ZNF117: variants seen among roughly 807,000 people sequenced by gnomAD.
ZNF117 encodes the protein Krueppel-related zinc finger protein.
ZNF117 carries 37 observed loss-of-function variants against 41.2 expected under a neutral mutation model. That is an observed-to-expected ratio of 0.90 (90% confidence interval 0.69 to 1.18). ZNF117 has a LOEUF of 1.18. Among genes scored for constraint, ZNF117 ranks in the 50% most tolerant of loss-of-function variants. ZNF117 has a pLI of 0.00. For missense variants in ZNF117, 546 were observed against 557.5 expected, an observed-to-expected ratio of 0.98 and a Z score of 0.21; for synonymous variants, 186 against 186.6, an observed-to-expected ratio of 1.00 and a Z score of 0.02.
exon 3 of ZNF117, chr7:64,978,447 G>A (rs771801021): frequency 6.2e-7 from 1 of 1,610,604 alleles, no homozygotes; most frequent in Admixed American, 1.7e-5. Context: ...TGTATTAAGG[G>A]CTGAGGACTG....
intron 2 of ZNF117, chr7:64,981,158 G>C: frequency 1.9e-6 from 1 of 535,984 alleles, no homozygotes; most frequent in Non-Finnish European, 3.2e-6. Context: ...GAGGATGTTG[G>C]CTTTCACTGT....
chr7:64,975,374 C>T (rs1305222912), exon 3 of ZNF117: 2 of 151,880 alleles, frequency 1.3e-5, no homozygotes, highest in Non-Finnish European at 2.9e-5. Flanking sequence ...CACTAGAATG[C>T]AGAATATTCC....
upstream of ZNF117, among the ~76,000 whole-genome samples, chr7:64,985,358 T>A (rs775075440): frequency 1.3e-5 from 2 of 152,218 alleles, no homozygotes; most frequent in Non-Finnish European, 2.9e-5. Flanking sequence ...CTGTATTCTA[T>A]CAAAGGAACT....
chr7:64,989,806 G>A (rs1174434691), intron 1 of ZNF117, 141 bp downstream of exon 1: 1 of 151,950 alleles, frequency 6.6e-6, no homozygotes, highest in Non-Finnish European at 1.5e-5. Flanking sequence ...AGGATCTGTG[G>A]CTCATGCTTG....
At chr7:64,984,751 A>G (rs1274085477), upstream of ZNF117, among the ~76,000 whole-genome samples, 1 of 27,634 alleles carries the variant, frequency 3.6e-5, no homozygotes, top group Non-Finnish European at 1.6e-4. Flanking sequence ...AATTCAATTA[A>G]AACAGTTTAT....
At chr7:64,987,228 T>A (rs564338967) in intron 1 of ZNF117, among the ~76,000 whole-genome samples, 3 of 152,200 alleles carry the variant, frequency 2.0e-5, no homozygotes, top group African/African-American at 7.2e-5. Context: ...AAGGCAGAAA[T>A]AAAAAAGTTC....
Position 64,977,533 on chromosome 7 carries a change from G to T in ZNF117, c.*586C>A, listed in dbSNP as rs1785917502. ...TTATGTATAGTAAGAGTTGACACTTGGTTAAAAGCTTTGCCACATTCTTCA... is the reference window on the plus strand; with the variant it reads ...TTATGTATAGTAAGAGTTGACACTTTGTTAAAAGCTTTGCCACATTCTTCA... On this transcript the variant is annotated 3_prime_UTR_variant, in exon 3 of 3. Transcript: ENST00000620222. 3 of 544,314 alleles carry T rather than the reference G, an allele frequency of 5.5e-6. No individual in the cohort carries two copies. In the African/African-American group the frequency reaches 5.8e-5, roughly 10 times the overall value. The allele number at this position is 544,314 out of a possible 1,614,324, so 33.7% of individuals were successfully genotyped here.
At chr7:64,988,924 A>T (rs1786193498) in intron 1 of ZNF117, among the ~76,000 whole-genome samples, 1 of 152,174 alleles carries the variant, frequency 6.6e-6, no homozygotes, top group Non-Finnish European at 1.5e-5. Flanking sequence ...ATTACAAAAC[A>T]CTGCTTAAAT....
At position 64,987,174 on chromosome 7, in the gene ZNF117, TAAAC is replaced by T. The variant is rs555299206; in HGVS notation, c.-196+2769_-196+2772del. Among the ~76,000 whole-genome samples the T allele has an allele frequency of 7.0e-4, 107 of 152,222 alleles. 1 individual carries two copies. Among genetic ancestry groups the T allele is most frequent in the Non-Finnish European group, 1.0e-3 (71 of 68,006 alleles). On this transcript the variant is annotated intron_variant, in intron 1 of 3. Coordinates refer to the ZNF117 transcript ENST00000282869. ...TGAAACCATACAATTATGTGGAAAT[TAAAC>T]AACCTGCATCTGAATAACTTTTGGG... is the stretch of plus-strand genomic sequence containing the variant.
intron 1 of ZNF117, among the ~76,000 whole-genome samples, chr7:64,988,090 C>T (rs775526797): frequency 6.6e-6 from 1 of 152,010 alleles, no homozygotes; most frequent in South Asian, 2.1e-4. Context: ...AAACACTCCC[C>T]TTCAACTCAT....
chr7:64,983,171 G>A (rs1021603876), upstream of ZNF117, among the ~76,000 whole-genome samples: 8 of 152,080 alleles, frequency 5.3e-5, no homozygotes, highest in Admixed American at 2.0e-4. Context: ...TTTATTAATC[G>A]TGTTCTGCAT....
intron 2 of ZNF117, chr7:64,980,649 CAA>C (rs912140684): frequency 4.0e-5 from 6 of 151,776 alleles, no homozygotes; most frequent in African/African-American, 1.5e-4. Flanking sequence ...AAGTCACAGA[CAA>C]GAGAATATTG....
intron 2 of ZNF117, chr7:64,980,839 A>G (rs535292355): frequency 6.5e-6 from 1 of 153,248 alleles, no homozygotes; most frequent in East Asian, 1.9e-4. Context: ...CCTGCCAAAT[A>G]AAAAGAAAAA....
At chr7:64,979,432 A>C in exon 3 of ZNF117, 1 of 1,610,418 alleles carries the variant, frequency 6.2e-7, no homozygotes, top group Non-Finnish European at 8.5e-7. Flanking sequence ...CTTAACTGTA[A>C]ATTCTCATAT....
At chr7:64,991,009 G>T in exon 1 of ZNF117, 1 of 460,934 alleles carries the variant, frequency 2.2e-6, no homozygotes, top group Non-Finnish European at 3.8e-6. Flanking sequence ...TCTTGGCAGG[G>T]GTTAATACTT....
At chr7:64,976,133 A>C (rs1423519954) in exon 3 of ZNF117, 1 of 151,938 alleles carries the variant, frequency 6.6e-6, no homozygotes, top group Non-Finnish European at 1.5e-5. Context: ...CAAAATGAAA[A>C]CCTTCTTCTC....
upstream of ZNF117, among the ~76,000 whole-genome samples, chr7:64,985,665 G>T (rs1786118740): frequency 6.6e-6 from 1 of 152,008 alleles, no homozygotes; most frequent in African/African-American, 2.4e-5. Flanking sequence ...AATAAATTAA[G>T]AAAATATACT....
chr7:64,980,105 T>C (rs1373851915), intron 2 of ZNF117: 1 of 152,872 alleles, frequency 6.5e-6, no homozygotes, highest in East Asian at 1.9e-4. Context: ...GTGATGACTA[T>C]TAAGAAGAAA....
At chr7:64,987,238 C>A (rs1786155267) in intron 1 of ZNF117, among the ~76,000 whole-genome samples, 1 of 152,146 alleles carries the variant, frequency 6.6e-6, no homozygotes, top group African/African-American at 2.4e-5. Context: ...TAAAAAAGTT[C>A]TTTGAAACAA....
Sources: gnomAD v4.1 joint callset for allele counts (sites outside exome capture counted in the v4.1 genomes callset) on GRCh38, gnomAD v4.1.1 for gene constraint, MANE v1.5 for transcripts, NCBI Gene and HGNC (gene_info 2026-07-23, HGNC 2026-07-21) for gene names.